The following NOVA1 variants were observed in gnomAD, a reference collection of about 807,000 sequenced individuals.
NOVA1 encodes RNA-binding protein Nova-1.
A neutral mutation model predicts 38.0 loss-of-function variants in NOVA1; 7 were observed. The observed-to-expected ratio is 0.18, with a 90% confidence interval of 0.10 to 0.35. NOVA1 has a LOEUF of 0.35. Among genes scored for constraint, NOVA1 ranks in the 10% least tolerant of loss-of-function variants. The pLI, the probability that NOVA1 is intolerant of heterozygous loss-of-function variation, is 1.00. For synonymous variants in NOVA1, 270 were observed against 232.5 expected (o/e 1.16, Z -1.47); for missense variants, 460 against 616.0 (o/e 0.75, Z 2.68).
At chr14:26,499,484 G>A (rs1437750839) in intron 2 of NOVA1, among the ~76,000 whole-genome samples, 4 of 152,066 alleles carry the variant, frequency 2.6e-5, no homozygotes, top group Non-Finnish European at 5.9e-5. Flanking sequence ...AAACTTTTAT[G>A]CTATAGGCTA....
At chr14:26,451,190 C>G (rs1882640593) in intron 4 of NOVA1, among the ~76,000 whole-genome samples, 2 of 152,048 alleles carry the variant, frequency 1.3e-5, no homozygotes, top group Admixed American at 1.3e-4. Context: ...ACATCAGTCT[C>G]ACATTATATA....
chr14:26,586,143 G>T (rs771624153), intron 2 of NOVA1, among the ~76,000 whole-genome samples: 2 of 151,348 alleles, frequency 1.3e-5, no homozygotes, highest in Non-Finnish European at 3.0e-5. Context: ...CTCAACTGAT[G>T]TGAGTAAAGA....
intron 2 of NOVA1, among the ~76,000 whole-genome samples, chr14:26,484,719 G>T (rs931497766): frequency 6.6e-6 from 1 of 152,198 alleles, no homozygotes; most frequent in East Asian, 1.9e-4. Context: ...GCTGTACCTG[G>T]ATAAATCTAA....
chr14:26,453,330 C>T (rs1425243837), intron 4 of NOVA1, among the ~76,000 whole-genome samples: 1 of 151,974 alleles, frequency 6.6e-6, no homozygotes, highest in South Asian at 2.1e-4. Flanking sequence ...GGTTCAGCCT[C>T]CTGAGTAGCT....
At chr14:26,476,850 T>A (rs178213) in intron 3 of NOVA1, among the ~76,000 whole-genome samples, 1 of 150,974 alleles carries the variant, frequency 6.6e-6, no homozygotes, top group Non-Finnish European at 1.5e-5. Context: ...CCAGCAGCTG[T>A]GACTACAGGC....
chr14:26,464,955 G>T (rs569612707), intron 4 of NOVA1, among the ~76,000 whole-genome samples: 2 of 152,096 alleles, frequency 1.3e-5, no homozygotes, highest in South Asian at 2.1e-4. Context: ...ATACTAGGTT[G>T]AGCCACAGGA....
intron 3 of NOVA1, among the ~76,000 whole-genome samples, chr14:26,476,956 CT>C (rs1361373090): frequency 6.8e-6 from 1 of 148,132 alleles, no homozygotes; most frequent in Non-Finnish European, 1.5e-5. Flanking sequence ...CTCAGGTGCT[CT>C]GCTCGCCTCA....
intron 2 of NOVA1, among the ~76,000 whole-genome samples, chr14:26,496,009 C>CCCAGCAT (rs1886750821): frequency 7.2e-6 from 1 of 138,198 alleles, no homozygotes; most frequent in African/African-American, 2.5e-5. Context: ...TGGGTATATA[C>CCCAGCAT]CCAGTAATGG....
intron 2 of NOVA1, among the ~76,000 whole-genome samples, chr14:26,494,030 T>G (rs377210412): frequency 6.6e-5 from 10 of 152,290 alleles, no homozygotes; most frequent in Admixed American, 1.3e-4. Flanking sequence ...TTCCTCATAT[T>G]TCTACATATC....
At chr14:26,465,268 G>C (rs867733484) in intron 4 of NOVA1, among the ~76,000 whole-genome samples, 55 of 151,982 alleles carry the variant, frequency 3.6e-4, no homozygotes, top group African/African-American at 1.2e-3. Context: ...TCCGCCTCCC[G>C]GGTTCAAGCA....
At chr14:26,542,579 A>G (rs1890530034) in intron 2 of NOVA1, among the ~76,000 whole-genome samples, 3 of 151,828 alleles carry the variant, frequency 2.0e-5, no homozygotes, top group South Asian at 2.1e-4. Context: ...CCCAATAAAT[A>G]TAACAATTTA....
chr14:26,521,555 T>C (rs1888898241), intron 2 of NOVA1, among the ~76,000 whole-genome samples: 1 of 152,088 alleles, frequency 6.6e-6, no homozygotes, highest in African/African-American at 2.4e-5. Context: ...GATTTGTCTT[T>C]GTTTAGGATT....
chr14:26,596,293 T>A (rs555901604), intron 1 of NOVA1, among the ~76,000 whole-genome samples: 1 of 152,326 alleles, frequency 6.6e-6, no homozygotes, highest in East Asian at 1.9e-4. Flanking sequence ...TTATATTAAA[T>A]AGGCTTAAAA....
chr14:26,448,040 T>C lies in NOVA1; in HGVS notation c.1443A>G (p.Thr481=). Residue 481 remains threonine, a synonymous_variant, in exon 5 of 5, where the codon ACA becomes ACG. Transcript: ENST00000539517. This position sits in a 1 kb window ranked among gnomAD's most constrained non-coding sequence, Gnocchi z 5.3. ...GTGTAATTAAATATTGAGCAGCCTGTGTTGCAGCTGGTGTTCCAGTAATGG... is the reference window on the plus strand; with the variant it reads ...GTGTAATTAAATATTGAGCAGCCTGCGTTGCAGCTGGTGTTCCAGTAATGG... ...KVTITGTPAA[T]QAAQYLITQR... 1 of 1,614,198 alleles carries C rather than the reference T, an allele frequency of 6.2e-7. No individual in the cohort carries two copies. Among genetic ancestry groups the C allele is most frequent in the South Asian group, 1.1e-5 (1 of 91,086 alleles).
chr14:26,592,711 G>T (rs1047331087), intron 2 of NOVA1: 1 of 151,538 alleles, frequency 6.6e-6, no homozygotes, highest in Admixed American at 6.6e-5. Flanking sequence ...AGGCAGGGTT[G>T]CTTAAGATAT....
intron 2 of NOVA1, among the ~76,000 whole-genome samples, chr14:26,506,769 G>A (rs1287259554): frequency 2.0e-5 from 3 of 151,892 alleles, no homozygotes; most frequent in East Asian, 1.9e-4. Flanking sequence ...TAGTAGAGAC[G>A]GGGATTCATC....
intron 2 of NOVA1, among the ~76,000 whole-genome samples, chr14:26,572,111 T>A (rs1192683602): frequency 6.6e-6 from 1 of 152,144 alleles, no homozygotes; most frequent in Admixed American, 6.6e-5. Flanking sequence ...TGGGATGTTA[T>A]GAAATACACC....
At chr14:26,565,951 G>A (rs1892112903) in intron 2 of NOVA1, among the ~76,000 whole-genome samples, 3 of 152,080 alleles carry the variant, frequency 2.0e-5, no homozygotes, top group African/African-American at 7.2e-5. Context: ...GTATTTAAAT[G>A]AGGAGAAAGA....
chr14:26,576,973 T>C (rs1430698447), intron 2 of NOVA1, among the ~76,000 whole-genome samples: 4 of 151,964 alleles, frequency 2.6e-5, no homozygotes, highest in East Asian at 1.9e-4. Context: ...TCATACTACA[T>C]AGCTGCATGT....
Sources: gnomAD v4.1 joint callset for allele counts (sites outside exome capture counted in the v4.1 genomes callset) on GRCh38, gnomAD v4.1.1 for gene constraint, Gnocchi (gnomAD v3.1) non-coding constraint, MANE v1.5 for transcripts, NCBI Gene and HGNC (gene_info 2026-07-23, HGNC 2026-07-21) for gene names.